Variants in FRMD4B observed in about 807,000 individuals in gnomAD.
FRMD4B encodes FERM domain-containing protein 4B.
FRMD4B carries 74 observed loss-of-function variants against 141.5 expected under a neutral mutation model. The ratio of observed to expected loss-of-function variants is 0.52; its 90% CI spans 0.43 to 0.63. The LOEUF is 0.63. Among genes scored for constraint, FRMD4B ranks in the 30% least tolerant of loss-of-function variants. The pLI is 0.00. For missense variants in FRMD4B, 1,366 were observed against 1,253.4 expected, an observed-to-expected ratio of 1.09 and a Z score of -1.36; for synonymous variants, 506 against 467.9, an observed-to-expected ratio of 1.08 and a Z score of -1.05.
intron 2 of FRMD4B, among the ~76,000 whole-genome samples, chr3:69,394,069 A>C (rs925794082): frequency 6.6e-6 from 1 of 152,232 alleles, no homozygotes; most frequent in African/African-American, 2.4e-5. Context: ...ATGCTATAAC[A>C]AAAGTCCCAC....
At chr3:69,409,224 G>A (rs528325730) in intron 2 of FRMD4B, among the ~76,000 whole-genome samples, 130 of 152,118 alleles carry the variant, frequency 8.5e-4, no homozygotes, top group Admixed American at 1.4e-3. Context: ...GGTTACTAGC[G>A]GATTCCGGCT....
chr3:69,458,988 A>G (rs1575809835), intron 1 of FRMD4B, among the ~76,000 whole-genome samples: 1 of 152,182 alleles, frequency 6.6e-6, no homozygotes, highest in East Asian at 1.9e-4. Context: ...TCAACTCAGA[A>G]GAATCTGATC....
intron 8 of FRMD4B, among the ~76,000 whole-genome samples, chr3:69,223,801 C>T (rs1220582671): frequency 6.6e-6 from 1 of 152,134 alleles, no homozygotes; most frequent in African/African-American, 2.4e-5. Flanking sequence ...TGCACTCCAG[C>T]CTAGGCGACA....
At chr3:69,236,566 G>A (rs2093347047) in intron 7 of FRMD4B, among the ~76,000 whole-genome samples, 2 of 152,028 alleles carry the variant, frequency 1.3e-5, no homozygotes, top group South Asian at 4.2e-4. Context: ...TACATGAGCT[G>A]CAAAACCAGA....
chr3:69,215,284 CTTTTTTT>C (rs577275162), intron 11 of FRMD4B, among the ~76,000 whole-genome samples: 31 of 45,224 alleles, frequency 6.9e-4, no homozygotes, highest in South Asian at 5.4e-3. Context: ...TTGTGACCCT[CTTTTTTT>C]TTTTTTTTTT....
chr3:69,417,159 T>C (rs1704881242), intron 2 of FRMD4B, among the ~76,000 whole-genome samples: 2 of 152,144 alleles, frequency 1.3e-5, no homozygotes, highest in South Asian at 4.1e-4. Flanking sequence ...CTAATTTGCA[T>C]TCCCACCAAC....
At chr3:69,235,562 C>A (rs373867216) in intron 7 of FRMD4B, among the ~76,000 whole-genome samples, 1 of 151,248 alleles carries the variant, frequency 6.6e-6, no homozygotes, top group Admixed American at 6.6e-5. Context: ...AGGAGGCTGA[C>A]GCAGAAGAAT....
At chr3:69,326,872 CT>C (rs1274802062) in intron 1 of FRMD4B, among the ~76,000 whole-genome samples, 1 of 152,198 alleles carries the variant, frequency 6.6e-6, no homozygotes, top group Non-Finnish European at 1.5e-5. Flanking sequence ...GATATTTCTG[CT>C]GTTCCTCTCC....
At chr3:69,324,009 C>T (rs976402138) in intron 1 of FRMD4B, among the ~76,000 whole-genome samples, 1 of 152,162 alleles carries the variant, frequency 6.6e-6, no homozygotes, top group Non-Finnish European at 1.5e-5. Flanking sequence ...GCCACTGTCT[C>T]GAAGCAAGGC....
intron 1 of FRMD4B, among the ~76,000 whole-genome samples, chr3:69,450,208 C>T (rs1362338381): frequency 1.3e-5 from 2 of 152,208 alleles, no homozygotes; most frequent in East Asian, 1.9e-4. Flanking sequence ...TTTATGTTCA[C>T]GTTTTTATGC....
At chr3:69,344,691 G>A (rs757993588) in intron 1 of FRMD4B, among the ~76,000 whole-genome samples, 15 of 152,296 alleles carry the variant, frequency 9.8e-5, no homozygotes, top group Non-Finnish European at 1.9e-4. Context: ...CTCCTTTATA[G>A]ACGACCAGTT....
intron 5 of FRMD4B, among the ~76,000 whole-genome samples, chr3:69,270,405 T>A (rs374331972): frequency 2.0e-5 from 3 of 151,986 alleles, no homozygotes; most frequent in East Asian, 1.9e-4. Flanking sequence ...GAAAAATAGA[T>A]GACAGATAGA....
intron 2 of FRMD4B, among the ~76,000 whole-genome samples, chr3:69,426,175 G>C (rs905639287): frequency 6.6e-6 from 1 of 152,212 alleles, no homozygotes; most frequent in Non-Finnish European, 1.5e-5. Flanking sequence ...TGGAGCTTCT[G>C]GCATATGCTG....
chr3:69,405,646 A>G (rs1369362638), intron 2 of FRMD4B, among the ~76,000 whole-genome samples: 1 of 152,244 alleles, frequency 6.6e-6, no homozygotes, highest in Non-Finnish European at 1.5e-5. Flanking sequence ...TGAGGCAAAC[A>G]TATCCAAGCA....
intron 18 of FRMD4B, among the ~76,000 whole-genome samples, 167 bp downstream of exon 18, chr3:69,189,729 G>T (rs564709611): frequency 6.6e-6 from 1 of 152,218 alleles, no homozygotes; most frequent in South Asian, 2.1e-4. Context: ...AACCTGAGTA[G>T]GTGTTAATCA....
chr3:69,243,862 G>A (rs974607155), intron 7 of FRMD4B, among the ~76,000 whole-genome samples: 1 of 151,972 alleles, frequency 6.6e-6, no homozygotes, highest in Non-Finnish European at 1.5e-5. Context: ...CCTGGCCAAC[G>A]TGGTGAAACC....
intron 1 of FRMD4B, among the ~76,000 whole-genome samples, chr3:69,361,073 T>C (rs930795197): frequency 6.6e-6 from 1 of 152,212 alleles, no homozygotes; most frequent in Non-Finnish European, 1.5e-5. Flanking sequence ...TTGGGTACTT[T>C]CAAGGGTGGT....
intron 1 of FRMD4B, chr3:69,536,536 G>T: frequency 1.4e-6 from 1 of 700,144 alleles, no homozygotes; most frequent in South Asian, 1.5e-5. Flanking sequence ...CGTGCGGGGG[G>T]TGGGGAATAG....
chr3:69,495,520 T>C (rs1255872136), intron 1 of FRMD4B, among the ~76,000 whole-genome samples: 1 of 152,168 alleles, frequency 6.6e-6, no homozygotes, highest in Non-Finnish European at 1.5e-5. Flanking sequence ...CTGAAAGAGA[T>C]GGGCTTTTCC....
Sources: gnomAD v4.1 joint callset for allele counts (sites outside exome capture counted in the v4.1 genomes callset) on GRCh38, gnomAD v4.1.1 for gene constraint, MANE v1.5 for transcripts, NCBI Gene and HGNC (gene_info 2026-07-23, HGNC 2026-07-21) for gene names.